The following NBAS variants were observed in gnomAD, a reference collection of about 807,000 sequenced individuals.
NBAS encodes NAG/BC035112 fusion.
In NBAS, 219 loss-of-function variants were observed where a neutral mutation model predicts 302.5. That is an observed-to-expected ratio of 0.72 (90% CI 0.65 to 0.81). NBAS has a LOEUF of 0.81. NBAS is among the 30% of genes least tolerant of loss of function. The pLI, the probability that NBAS is intolerant of heterozygous loss-of-function variation, is 0.00. For synonymous variants in NBAS, 1,118 were observed against 1,021.6 expected, an observed-to-expected ratio of 1.09 and a Z score of -1.80; for missense variants, 2,932 against 2,841.6, an observed-to-expected ratio of 1.03 and a Z score of -0.72.
chr2:15,279,600 A>G (rs1422180417), intron 42 of NBAS, among the ~76,000 whole-genome samples: 1 of 152,210 alleles, frequency 6.6e-6, no homozygotes. Flanking sequence ...TTATGAATAT[A>G]GTCTCTCTCA....
chr2:15,391,376 A>AT (rs35532453), intron 28 of NBAS, among the ~76,000 whole-genome samples: 92,132 of 150,714 alleles, frequency 0.61, 28,981 homozygotes, highest in Middle Eastern at 0.68. Context: ...ACTCTTAGAG[A>AT]TTAAAAAAAA....
intron 9 of NBAS, among the ~76,000 whole-genome samples, chr2:15,533,679 C>CGCGTGTGT (rs1663337010): frequency 1.4e-5 from 2 of 143,940 alleles, no homozygotes; most frequent in Non-Finnish European, 3.0e-5. Context: ...GGGGGGTGTG[C>CGCGTGTGT]GTGTGTGTGT....
intron 11 of NBAS, among the ~76,000 whole-genome samples, chr2:15,493,785 G>A (rs2148619872): frequency 1.3e-5 from 2 of 150,416 alleles, no homozygotes; most frequent in Non-Finnish European, 3.0e-5. Flanking sequence ...TTTGAATTAA[G>A]CAGTTGTAAA....
chr2:15,461,838 A>G (rs1679520354), intron 19 of NBAS, 47 bp from the exon 20 acceptor site: 1 of 1,043,294 alleles, frequency 9.6e-7, no homozygotes, highest in Admixed American at 1.9e-5. Flanking sequence ...AGGCTTTTAA[A>G]TATGGGTGAC....
chr2:15,159,743 G>C, the NBAS span, among the ~76,000 whole-genome samples: 7 of 151,284 alleles, frequency 4.6e-5, no homozygotes, highest in Admixed American at 4.0e-4. Context: ...AGTAAGAAAG[G>C]GTTAAACTGG....
chr2:15,033,215 C>A, the NBAS span, among the ~76,000 whole-genome samples: 1 of 152,180 alleles, frequency 6.6e-6, no homozygotes, highest in East Asian at 1.9e-4. Context: ...ACTTGGGACC[C>A]TTTACTCCTT....
chr2:14,906,643 G>A, the NBAS span, among the ~76,000 whole-genome samples: 1 of 152,130 alleles, frequency 6.6e-6, no homozygotes, highest in Admixed American at 6.5e-5. Flanking sequence ...GAAGCCCTGG[G>A]GGTGGCATGG....
intron 45 of NBAS, among the ~76,000 whole-genome samples, chr2:15,236,984 C>T (rs1032419176): frequency 7.2e-5 from 11 of 152,062 alleles, no homozygotes; most frequent in African/African-American, 2.7e-4. Flanking sequence ...TGCTCATTAC[C>T]TGAAGTCTCC....
At chr2:15,053,335 T>G in the NBAS span, among the ~76,000 whole-genome samples, 3 of 152,162 alleles carry the variant, frequency 2.0e-5, no homozygotes, top group Non-Finnish European at 2.9e-5. Context: ...TAATATCGCA[T>G]GCATAGAGGG....
the NBAS span, among the ~76,000 whole-genome samples, chr2:15,114,870 TATTATGATAAATATGAAGATAAACAC>T: frequency 6.6e-6 from 1 of 152,182 alleles, no homozygotes; most frequent in African/African-American, 2.4e-5. Context: ...AAGATAAACA[TATTATGATAAATATGAAGATAAACAC>T]ATTATGATAA....
intron 48 of NBAS, among the ~76,000 whole-genome samples, chr2:15,211,224 T>G (rs993344480): frequency 6.6e-6 from 1 of 152,092 alleles, no homozygotes; most frequent in Non-Finnish European, 1.5e-5. Context: ...TATCAAGATA[T>G]CTCATGTAAC....
chr2:15,208,847 G>T (rs1292725770), intron 48 of NBAS, among the ~76,000 whole-genome samples: 1 of 151,974 alleles, frequency 6.6e-6, no homozygotes, highest in Admixed American at 6.6e-5. Context: ...ATCAAAAAAG[G>T]AAAAGAAAAA....
At chr2:15,297,268 C>G (rs185018790) in intron 40 of NBAS, among the ~76,000 whole-genome samples, 1 of 152,136 alleles carries the variant, frequency 6.6e-6, no homozygotes, top group African/African-American at 2.4e-5. Flanking sequence ...CTTTTATATT[C>G]GGTATGTAGG....
chr2:15,400,302 A>C (rs572025457), intron 26 of NBAS, among the ~76,000 whole-genome samples: 1 of 152,170 alleles, frequency 6.6e-6, no homozygotes, highest in Non-Finnish European at 1.5e-5. Flanking sequence ...CAAGTAGTTC[A>C]TGAGGGTGAT....
At chr2:14,874,940 C>G in the NBAS span, among the ~76,000 whole-genome samples, 1 of 151,534 alleles carries the variant, frequency 6.6e-6, no homozygotes, top group East Asian at 1.9e-4. Flanking sequence ...AATCCTTTGA[C>G]AAAACTCAAC....
the NBAS span, among the ~76,000 whole-genome samples, chr2:15,077,332 G>A: frequency 4.6e-5 from 7 of 152,158 alleles, no homozygotes; most frequent in African/African-American, 7.2e-5. Context: ...CCCTCAACTC[G>A]TGGGGATTAT....
intron 21 of NBAS, among the ~76,000 whole-genome samples, chr2:15,428,909 G>A (rs1031064340): frequency 6.6e-6 from 1 of 151,978 alleles, no homozygotes; most frequent in African/African-American, 2.4e-5. Flanking sequence ...CAGGTGTGGA[G>A]GTGGCTGCCT....
the NBAS span, among the ~76,000 whole-genome samples, chr2:14,960,803 G>A: frequency 6.6e-6 from 1 of 152,196 alleles, no homozygotes; most frequent in Admixed American, 6.5e-5. Context: ...GTGTTCTTAG[G>A]GATCCAAGAT....
intron 31 of NBAS, among the ~76,000 whole-genome samples, chr2:15,373,828 T>A (rs1674600104): frequency 6.6e-6 from 1 of 152,110 alleles, no homozygotes; most frequent in African/African-American, 2.4e-5. Flanking sequence ...TTTCCAGACT[T>A]AAGAACAGAG....
Sources: allele counts gnomAD v4.1 joint callset (sites outside exome capture counted in the v4.1 genomes callset), GRCh38; gene constraint gnomAD v4.1.1; transcripts MANE v1.5; gene names NCBI Gene and HGNC (gene_info 2026-07-23, HGNC 2026-07-21).